Variants in ZFP1 observed in about 807,000 individuals in gnomAD.
ZFP1 encodes the protein ZFP1 zinc finger protein, also known as zinc finger protein 1 homolog.
Under a neutral mutation model 38.5 loss-of-function variants are expected in ZFP1, and 32 were observed. That is an observed-to-expected ratio of 0.83 (90% CI 0.63 to 1.12). ZFP1 has a LOEUF of 1.12. Among genes scored for constraint, ZFP1 ranks in the 50% most tolerant of loss-of-function variants. The pLI is 0.00. For synonymous variants in ZFP1, 245 were observed against 168.8 expected, an observed-to-expected ratio of 1.45 and a Z score of -3.50; for missense variants, 616 against 480.8, an observed-to-expected ratio of 1.28 and a Z score of -2.63.
chr16:75,170,343 C>G lies in ZFP1; in HGVS notation c.*9C>G. ...TCGGGGAGAAACCCTGAAACTCCAG[C>G]CAGGTCTTACTGTGGAAAACTCCTG... On this transcript the variant is annotated 3_prime_UTR_variant, in exon 4 of 4. Transcript: ENST00000570010. 2 of 1,556,016 alleles carry G rather than the reference C, an allele frequency of 1.3e-6. No homozygotes were observed. The highest frequency in any genetic ancestry group is 1.2e-5 in the South Asian group (1 of 81,008).
In ZFP1 at chr16:75,170,562, C is replaced by T; in HGVS notation, c.*228C>T. 1.9e-6 allele frequency: 1 copy of T among 522,178 alleles called. No individual in the cohort carries two copies. The highest frequency in any genetic ancestry group is 3.0e-6 in the Non-Finnish European group (1 of 330,168). 32.3% of individuals were successfully genotyped at this position (522,178 alleles called of 1,614,324 possible). On this transcript the variant is annotated 3_prime_UTR_variant, in exon 4 of 4. Transcript: ENST00000570010. ...ATATCCAGTTGTAAATAGCCATACC[C>T]AGTTGTACTACAATGAGCTTTTTAA... is the stretch of plus-strand genomic sequence containing the variant.
intron 3 of ZFP1, 101 bp from the exon 4 acceptor site, chr16:75,169,152 A>G: frequency 7.2e-7 from 1 of 1,385,986 alleles, no homozygotes; most frequent in Non-Finnish European, 9.5e-7. Context: ...CCCAAACTAA[A>G]GAGTCAGCCC....
At chr16:75,141,085 C>G in the ZFP1 span, among the ~76,000 whole-genome samples, 3 of 151,826 alleles carry the variant, frequency 2.0e-5, no homozygotes, top group Admixed American at 1.3e-4. Flanking sequence ...TGTTCTTAAA[C>G]ATTGACTTTC....
the ZFP1 span, among the ~76,000 whole-genome samples, chr16:75,123,726 C>T: frequency 6.6e-6 from 1 of 151,116 alleles, no homozygotes; most frequent in African/African-American, 2.4e-5. Flanking sequence ...AATCTGTCCA[C>T]CTCAGCCTCC....
In ZFP1 at chr16:75,166,564, A is replaced by C. The variant is rs1567538778; in HGVS notation, c.16-206A>C. 4.1e-6 allele frequency: 4 copies of C among 985,184 alleles called. No homozygotes were observed. In the South Asian group the frequency reaches 1.9e-4, roughly 46 times the overall value. 61.0% of individuals were successfully genotyped at this position (985,184 alleles called of 1,614,324 possible). On this transcript the variant is annotated intron_variant, in intron 2 of 3. Transcript: ENST00000570010. ...TATTAATCTGAGACACCTATCAAAT[A>C]TGACAGTGCCAGAGATATAGGGGAA...
chr16:75,139,009 G>C, the ZFP1 span, among the ~76,000 whole-genome samples: 1 of 152,030 alleles, frequency 6.6e-6, no homozygotes, highest in Admixed American at 6.6e-5. Context: ...CTAATCATGA[G>C]AAAAACATCG....
chr16:75,159,695 T>C (rs1440775464), intron 2 of ZFP1, among the ~76,000 whole-genome samples: 1 of 152,120 alleles, frequency 6.6e-6, no homozygotes, highest in African/African-American at 2.4e-5. Flanking sequence ...CATGAGCCAC[T>C]ATACCTGGCC....
At chr16:75,123,203 A>T in the ZFP1 span, among the ~76,000 whole-genome samples, 3 of 151,304 alleles carry the variant, frequency 2.0e-5, no homozygotes, top group African/African-American at 7.3e-5. Context: ...AAAATGCAAA[A>T]ATTAGCTGGG....
chr16:75,155,332 C>T (rs1458840062), intron 2 of ZFP1, among the ~76,000 whole-genome samples: 1 of 152,142 alleles, frequency 6.6e-6, no homozygotes, highest in Non-Finnish European at 1.5e-5. Context: ...TGGAGTTTTG[C>T]CCTGTCGCTC....
chr16:75,146,512 C>G (rs551194758), upstream of ZFP1, among the ~76,000 whole-genome samples: 1 of 152,264 alleles, frequency 6.6e-6, no homozygotes, highest in Admixed American at 6.5e-5. Flanking sequence ...TATATCCTCA[C>G]AAAACCTGAA....
Position 75,168,797 on chromosome 16 carries a change from T to C in ZFP1, c.143-456T>C, listed in dbSNP as rs143381795. ...ATGCAGACTGGTGCTGGTTCTACCA[T>C]AGTAGTCCGAGTTTAGCAAATAATA... On this transcript the variant is annotated intron_variant, in intron 3 of 3. Coordinates refer to ENST00000570010, the MANE Select transcript of ZFP1 (RefSeq NM_153688.4). Among the ~76,000 whole-genome samples, 195 of 152,298 alleles carry C rather than the reference T, an allele frequency of 1.3e-3. 1 individual carries two copies. The highest frequency in any genetic ancestry group is 5.0e-3 in the South Asian group (24 of 4,832).
chr16:75,139,584 C>T, the ZFP1 span, among the ~76,000 whole-genome samples: 1 of 151,874 alleles, frequency 6.6e-6, no homozygotes, highest in Non-Finnish European at 1.5e-5. Flanking sequence ...CCGAGCTACT[C>T]AGGAGACTGA....
rs1439080460 is a variant in ZFP1 at position 75,152,969 on chromosome 16, G to T, written c.15+3G>T. The T allele has an allele frequency of 1.9e-6, 3 of 1,613,666 alleles. No homozygotes were observed. The highest frequency in any genetic ancestry group is 2.2e-5 in the South Asian group (2 of 90,984). ...TGCAGAAAATGAACAAATCCCAGGT[G>T]AGTTGTTTGTTTATTCCCCATTTTG... On this transcript the variant is annotated splice_donor_region_variant and intron_variant, in intron 2 of 3. Coordinates refer to ENST00000570010, the MANE Select transcript of ZFP1 (RefSeq NM_153688.4).
intron 2 of ZFP1, among the ~76,000 whole-genome samples, chr16:75,158,752 A>C (rs2037595747): frequency 6.7e-6 from 1 of 150,096 alleles, no homozygotes; most frequent in Non-Finnish European, 1.5e-5. Context: ...TGCTGTAGAG[A>C]TTACAGCTTA....
the ZFP1 span, chr16:75,126,073 A>T: frequency 1.3e-5 from 2 of 150,338 alleles, no homozygotes; most frequent in Admixed American, 1.3e-4. Context: ...AAAAAGAATG[A>T]AGGTTTTCAC....
intron 1 of ZFP1, among the ~76,000 whole-genome samples, chr16:75,149,900 C>G (rs1345764639): frequency 6.6e-6 from 1 of 151,776 alleles, no homozygotes; most frequent in Non-Finnish European, 1.5e-5. Context: ...CTCCCGGGTT[C>G]AAGCAGTCCT....
chr16:75,129,001 G>A, the ZFP1 span, among the ~76,000 whole-genome samples: 1 of 152,034 alleles, frequency 6.6e-6, no homozygotes. Context: ...TGTTGGTCAG[G>A]CTGGTCTCAA....
Position 75,170,358 on chromosome 16 carries a change from G to A in ZFP1, c.*24G>A. ...GAAACTCCAGCCAGGTCTTACTGTG[G>A]AAAACTCCTGCCAGAACTCTTCAAG... On this transcript the variant is annotated 3_prime_UTR_variant, in exon 4 of 4. Transcript: ENST00000570010. 6.5e-7 allele frequency: 1 copy of A among 1,541,284 alleles called. No individual in the cohort carries two copies. Among genetic ancestry groups the A allele is most frequent in the Non-Finnish European group, 8.7e-7 (1 of 1,144,980 alleles).
At chr16:75,138,024 CTTTTTTTTTTTTTTTTT>C in the ZFP1 span, among the ~76,000 whole-genome samples, 4 of 64,974 alleles carry the variant, frequency 6.2e-5, no homozygotes, top group East Asian at 5.0e-4. Flanking sequence ...CTCCCACTTC[CTTTTTTTTTTTTTTTTT>C]TTTTTTTTTT....
Sources: gnomAD v4.1 joint callset for allele counts (sites outside exome capture counted in the v4.1 genomes callset) on GRCh38, gnomAD v4.1.1 for gene constraint, MANE v1.5 for transcripts, NCBI Gene and HGNC (gene_info 2026-07-23, HGNC 2026-07-21) for gene names.